TAOK3: variants seen among roughly 807,000 people sequenced by gnomAD.
TAOK3 encodes TAO kinase 3, also known as serine/threonine-protein kinase TAO3.
Under a neutral mutation model 120.4 loss-of-function variants are expected in TAOK3, and 40 were observed. The ratio of observed to expected loss-of-function variants is 0.33; its 90% confidence interval spans 0.26 to 0.43. The LOEUF (loss-of-function observed/expected upper bound fraction) is 0.43, where lower values mean the gene tolerates loss of function less well. TAOK3 is among the 20% of genes least tolerant of loss of function. The pLI is 1.00. For missense variants in TAOK3, 821 were observed against 1,112.1 expected (o/e 0.74, Z 3.72); for synonymous variants, 355 against 387.5 (o/e 0.92, Z 0.99).
chr12:118,357,660 T>C (rs1158061044), intron 1 of TAOK3, among the ~76,000 whole-genome samples: 1 of 152,190 alleles, frequency 6.6e-6, no homozygotes, highest in African/African-American at 2.4e-5. Flanking sequence ...TAATCTGCAA[T>C]AATCTGTCAT....
At chr12:118,253,755 CAAAAA>C (rs11299995) in intron 3 of TAOK3, among the ~76,000 whole-genome samples, 2 of 146,096 alleles carry the variant, frequency 1.4e-5, no homozygotes, top group African/African-American at 5.1e-5. Flanking sequence ...AACAAACAAA[CAAAAA>C]AAAAAAAACA....
In TAOK3 at chr12:118,160,742, CT is replaced by C. The variant is rs570374753; in HGVS notation, c.2140-385del. Among the ~76,000 whole-genome samples the C allele has an allele frequency of 1.4e-4, 21 of 151,310 alleles. 1 individual carries two copies. In the East Asian group the frequency reaches 1.9e-3, roughly 14 times the overall value. ...TTCCATTGTTCATTGTTTTTCCCCC[CT>C]TTTTTTTTGTTTCTGTGTTTCACCC... On this transcript the variant is annotated intron_variant, in intron 18 of 20. Transcript: ENST00000392533. This position sits in a 1 kb window ranked among gnomAD's most constrained non-coding sequence, Gnocchi z 4.2.
intron 11 of TAOK3, among the ~76,000 whole-genome samples, chr12:118,212,569 C>T (rs353887): frequency 0.47 from 71,333 of 152,040 alleles, 17,469 homozygotes; most frequent in Non-Finnish European, 0.54. Flanking sequence ...CAGCTCTGTC[C>T]TGAGACCACT....
At chr12:118,307,699 C>T (rs1042796941) in intron 1 of TAOK3, among the ~76,000 whole-genome samples, 2 of 152,132 alleles carry the variant, frequency 1.3e-5, no homozygotes, top group Non-Finnish European at 2.9e-5. Context: ...CTAGAGGTCT[C>T]GGTATCCTCT....
At chr12:118,233,191 G>C (rs1484674677) in intron 9 of TAOK3, among the ~76,000 whole-genome samples, 2 of 138,196 alleles carry the variant, frequency 1.4e-5, no homozygotes, top group African/African-American at 5.4e-5. Context: ...TCATAGGTGG[G>C]AATTGAACAA....
rs773488663 is a variant in TAOK3, at chr12:118,189,877, T to G, written c.1259A>C (p.Gln420Pro). 4 of 1,614,222 alleles carry G rather than the reference T, an allele frequency of 2.5e-6. No individual in the cohort carries two copies. Among genetic ancestry groups the G allele is most frequent in the Non-Finnish European group, 3.4e-6 (4 of 1,180,036 alleles). ...GDPRPEPRPT[Q>P]SVQSQALHYR... ...GTGGAGGGCCTGGCTCTGAACTGAC[T>G]GGGTAGGCCGCGGCTCAGGCCTGGG... The change falls in exon 14 of 21, where the codon CAG becomes CCG. Residue 420 changes from glutamine to proline, a missense_variant. Around this residue, in one of 2 missense-constraint regions of TAOK3, gnomAD observed 467 missense variants for 540.0 expected, o/e 0.86. Transcript: ENST00000392533.
Position 118,239,235 on chromosome 12 carries a change from A to G in TAOK3, c.332T>C (p.Leu111Ser). ...AATTCCTTCTTTCTTACCTTCTAATAAATCAGAGGCTGAGCCTAAGCAATA... is the reference window on the plus strand; with the variant it reads ...AATTCCTTCTTTCTTACCTTCTAATGAATCAGAGGCTGAGCCTAAGCAATA... ...MEYCLGSASD[L>S]LEVHKKPLQE... is the part of the protein sequence containing the mutation. Residue 111 changes from leucine (L) to serine (S), a missense_variant, in exon 6 of 21, where the codon TTA becomes TCA. Physicochemically the swap from Leu to Ser is moderately radical, Grantham distance 145 (BLOSUM62 -2). Around this residue, in one of 2 missense-constraint regions of TAOK3, gnomAD observed 467 missense variants for 540.0 expected, o/e 0.86. Coordinates refer to ENST00000392533, the MANE Select transcript of TAOK3 (RefSeq NM_016281.4). 1 of 1,541,034 alleles carries G rather than the reference A, an allele frequency of 6.5e-7. No homozygotes were observed. The highest frequency in any genetic ancestry group is 9.0e-7 in the Non-Finnish European group (1 of 1,114,186).
At chr12:118,246,024 T>A in intron 3 of TAOK3, 2 of 677,978 alleles carry the variant, frequency 2.9e-6, no homozygotes, top group Non-Finnish European at 2.4e-6. Context: ...ATAGTAATAA[T>A]GTGAGTATAC....
At chr12:118,207,299 A>C (rs11068870) in intron 11 of TAOK3, among the ~76,000 whole-genome samples, 25,885 of 149,962 alleles carry the variant, frequency 0.17, 2,319 homozygotes, top group East Asian at 0.24. Context: ...GCACTCCAGC[A>C]TGGGCAACAA....
intron 1 of TAOK3, among the ~76,000 whole-genome samples, chr12:118,357,164 C>T (rs1003725364): frequency 1.3e-5 from 2 of 152,108 alleles, no homozygotes; most frequent in Non-Finnish European, 2.9e-5. Flanking sequence ...GTCATATTTC[C>T]TTCACAAAGC....
intron 17 of TAOK3, among the ~76,000 whole-genome samples, chr12:118,170,407 A>G (rs55861849): frequency 0.04 from 6,032 of 152,206 alleles, 153 homozygotes; most frequent in East Asian, 0.1. Context: ...TCTGTGTATT[A>G]CTGTCAATCT....
At chr12:118,159,480 T>A (rs1462265032) in intron 19 of TAOK3, among the ~76,000 whole-genome samples, 1 of 152,100 alleles carries the variant, frequency 6.6e-6, no homozygotes, top group Non-Finnish European at 1.5e-5. Context: ...TTTTTGTACT[T>A]TTGGTAGAGA....
At chr12:118,288,119 T>C (rs967888379) in intron 1 of TAOK3, among the ~76,000 whole-genome samples, 2 of 152,032 alleles carry the variant, frequency 1.3e-5, no homozygotes, top group African/African-American at 4.8e-5. Flanking sequence ...GTTTCTCCCC[T>C]GTTTCTACTT....
chr12:118,263,372 T>C lies in TAOK3; in HGVS notation c.-89+3283A>G, dbSNP rs576710848. Among the ~76,000 whole-genome samples, 8 of 152,268 alleles carry C rather than the reference T, an allele frequency of 5.3e-5. No individual in the cohort carries two copies. In the East Asian group the frequency reaches 1.5e-3, roughly 29 times the overall value. On this transcript the variant is annotated intron_variant, in intron 2 of 20. Coordinates refer to ENST00000392533, the MANE Select transcript of TAOK3 (RefSeq NM_016281.4). Reference sequence around the variant, plus strand: ...TAGGTTATAGAACTAAATGTAAATCTACAATAATAAAACTTCTAGACGAAG... The same window carrying C: ...TAGGTTATAGAACTAAATGTAAATCCACAATAATAAAACTTCTAGACGAAG...
chr12:118,302,500 A>G lies in TAOK3; in HGVS notation c.-193-35741T>C, dbSNP rs542457121. Among the ~76,000 whole-genome samples the G allele has an allele frequency of 5.3e-5, 8 of 152,304 alleles. No homozygotes were observed. In the East Asian group the frequency reaches 1.5e-3, roughly 29 times the overall value. ...ATGGGTATAATAGGGAAAATAAAAT[A>G]AAGTGAGAATAGCAGGGTCAGGTAC... On this transcript the variant is annotated intron_variant, in intron 1 of 20. Transcript: ENST00000392533.
At chr12:118,348,891 C>T (rs2045006659) in intron 1 of TAOK3, among the ~76,000 whole-genome samples, 1 of 148,340 alleles carries the variant, frequency 6.7e-6, no homozygotes, top group Non-Finnish European at 1.5e-5. Flanking sequence ...TCTTGTTGCC[C>T]GGGTCTCACT....
At chr12:118,174,671 AT>A (rs1008274932) in intron 16 of TAOK3, among the ~76,000 whole-genome samples, 10 of 151,130 alleles carry the variant, frequency 6.6e-5, no homozygotes, top group Admixed American at 2.0e-4. Context: ...TTATTTTACG[AT>A]TTTTTTTTGA....
chr12:118,169,122 T>C lies in TAOK3; in HGVS notation c.1899+3335A>G, dbSNP rs545873016. 2.0e-5 allele frequency among the ~76,000 whole-genome samples: 3 copies of C among 152,260 alleles called. No homozygotes were observed. The South Asian group carries it at 6.2e-4, about 32-fold the overall frequency. ...TCTGCCTCCCAGGTTCAAGTGATTC[T>C]CCCTCCTCAGCCTCCCAAGTAGCTG... On this transcript the variant is annotated intron_variant, in intron 17 of 20. Coordinates refer to ENST00000392533, the MANE Select transcript of TAOK3 (RefSeq NM_016281.4).
intron 1 of TAOK3, among the ~76,000 whole-genome samples, chr12:118,354,341 A>C (rs1374148388): frequency 6.6e-6 from 1 of 152,226 alleles, no homozygotes; most frequent in Non-Finnish European, 1.5e-5. Context: ...CCAGCTACTA[A>C]GTGACGAATA....
Sources: allele counts gnomAD v4.1 joint callset (sites outside exome capture counted in the v4.1 genomes callset), GRCh38; gene constraint gnomAD v4.1.1; regional missense constraint gnomAD v4.1.1; non-coding constraint Gnocchi (gnomAD v3.1); transcripts MANE v1.5; gene names NCBI Gene and HGNC (gene_info 2026-07-23, HGNC 2026-07-21).